The following GRAMD1B variants were observed in gnomAD, a reference collection of about 807,000 sequenced individuals.
GRAMD1B encodes the protein GRAM domain containing 1B.
Under a neutral mutation model 99.7 loss-of-function variants are expected in GRAMD1B, and 37 were observed. That is an observed-to-expected ratio of 0.37 (90% confidence interval 0.29 to 0.49). The LOEUF (loss-of-function observed/expected upper bound fraction) is 0.49. Ranked by LOEUF, GRAMD1B falls within the 20% of genes least tolerant of loss-of-function variation. The pLI, the probability that GRAMD1B is intolerant of heterozygous loss-of-function variation, is 0.98. For synonymous variants in GRAMD1B, 427 were observed against 387.6 expected, an observed-to-expected ratio of 1.10 and a Z score of -1.19; for missense variants, 888 against 1,009.2, an observed-to-expected ratio of 0.88 and a Z score of 1.63.
chr11:123,432,062 A>G, intron 1 of GRAMD1B: 1 of 398,608 alleles, frequency 2.5e-6, no homozygotes. Context: ...GGAGCAACTG[A>G]GTCATTGATC....
At position 123,602,534 on chromosome 11, in the gene GRAMD1B, A is replaced by G. The variant is rs989586259; in HGVS notation, c.1051-892A>G. ...AATGGGATTTTTTTTTTTAAAGATA[A>G]TGATTGCTTCTGTTTTTCTTCATGC... On this transcript the variant is annotated intron_variant, in intron 8 of 19. Transcript: ENST00000635736. Among the ~76,000 whole-genome samples the G allele has an allele frequency of 3.3e-5, 5 of 151,762 alleles. No homozygotes were observed. In the East Asian group the frequency reaches 9.7e-4, roughly 29 times the overall value.
chr11:123,622,076 A>C (rs542748887), intron 19 of GRAMD1B, among the ~76,000 whole-genome samples: 9 of 150,710 alleles, frequency 6.0e-5, no homozygotes, highest in Admixed American at 5.3e-4. Flanking sequence ...GCTGGAGTGC[A>C]GTGGTGCAGT....
intron 1 of GRAMD1B, among the ~76,000 whole-genome samples, chr11:123,372,463 A>G (rs1264712022): frequency 6.6e-6 from 1 of 152,188 alleles, no homozygotes; most frequent in Non-Finnish European, 1.5e-5. Context: ...CCATCTCCTG[A>G]TACAGAATTT....
chr11:123,392,180 T>C (rs747861554), intron 1 of GRAMD1B, among the ~76,000 whole-genome samples: 21 of 151,946 alleles, frequency 1.4e-4, no homozygotes, highest in Middle Eastern at 3.2e-3. Flanking sequence ...TGTGACTGGG[T>C]CAGAATGAGT....
chr11:123,415,091 C>CTTTTTTTTTTTTTTTTTTTTTTTTTTT (rs1948184246), intron 1 of GRAMD1B, among the ~76,000 whole-genome samples: 1 of 96,558 alleles, frequency 1.0e-5, no homozygotes, highest in South Asian at 3.5e-4. Context: ...TTTTCTTTTT[C>CTTTTTTTTTTTTTTTTTTTTTTTTTTT]TTTCTTTTTT....
intron 2 of GRAMD1B, among the ~76,000 whole-genome samples, chr11:123,529,680 C>T (rs1169747671): frequency 2.6e-5 from 4 of 152,186 alleles, no homozygotes; most frequent in Non-Finnish European, 5.9e-5. Context: ...AAGAGTAACT[C>T]ACCAATCTTC....
chr11:123,558,344 G>T (rs1258921499), intron 2 of GRAMD1B, among the ~76,000 whole-genome samples: 1 of 152,068 alleles, frequency 6.6e-6, no homozygotes, highest in African/African-American at 2.4e-5. Flanking sequence ...GGACATGAAA[G>T]AAAAAATAGC....
upstream of GRAMD1B, among the ~76,000 whole-genome samples, chr11:123,426,147 G>T (rs1336215917): frequency 6.6e-6 from 1 of 152,174 alleles, no homozygotes; most frequent in African/African-American, 2.4e-5. Context: ...TAAGTGAATT[G>T]CTTCTACTTT....
intron 2 of GRAMD1B, among the ~76,000 whole-genome samples, chr11:123,513,718 G>A (rs1352114188): frequency 1.3e-5 from 2 of 150,330 alleles, no homozygotes; most frequent in East Asian, 3.9e-4. Flanking sequence ...GTGCAGTGGT[G>A]CGATCATGGC....
At chr11:123,449,714 C>CTTTTT (rs767104181) in intron 1 of GRAMD1B, among the ~76,000 whole-genome samples, 3,173 of 99,852 alleles carry the variant, frequency 0.032, 267 homozygotes, top group Middle Eastern at 0.1. Flanking sequence ...CCATGCCTGG[C>CTTTTT]TTTTTTTTTT....
intron 1 of GRAMD1B, among the ~76,000 whole-genome samples, chr11:123,402,261 C>A (rs566697206): frequency 1.3e-5 from 2 of 152,278 alleles, no homozygotes; most frequent in African/African-American, 4.8e-5. Flanking sequence ...GGTGACCTGC[C>A]CGCCTCGGCC....
At position 123,610,629 on chromosome 11, in the gene GRAMD1B, A is replaced by C. The variant is rs1182735920; in HGVS notation, c.1919+291A>C. Among the ~76,000 whole-genome samples, 6 of 152,362 alleles carry C rather than the reference A, an allele frequency of 3.9e-5. No individual in the cohort carries two copies. In the South Asian group the frequency reaches 1.2e-3, roughly 32 times the overall value. On this transcript the variant is annotated intron_variant, in intron 14 of 19. Coordinates refer to ENST00000635736, the MANE Select transcript of GRAMD1B (RefSeq NM_001387025.1). This position sits in a 1 kb window ranked among gnomAD's most constrained non-coding sequence, Gnocchi z 4.1. ...TTTACCTACATTCACTGGAGTCTTT[A>C]GAACGACTCAAAGAGGTGGATTTAT... is the stretch of plus-strand genomic sequence containing the variant.
intron 1 of GRAMD1B, among the ~76,000 whole-genome samples, chr11:123,364,220 C>G (rs375624666): frequency 6.6e-6 from 1 of 152,184 alleles, no homozygotes; most frequent in African/African-American, 2.4e-5. Flanking sequence ...TCAAAGGGAG[C>G]GATGGGTGGA....
At chr11:123,416,296 T>C (rs568915670) in intron 1 of GRAMD1B, among the ~76,000 whole-genome samples, 10 of 152,288 alleles carry the variant, frequency 6.6e-5, no homozygotes, top group African/African-American at 1.9e-4. Context: ...ATGGAGATGA[T>C]AACTGAATGG....
At chr11:123,456,946 A>G (rs1388615328) in intron 1 of GRAMD1B, among the ~76,000 whole-genome samples, 1 of 149,582 alleles carries the variant, frequency 6.7e-6, no homozygotes, top group East Asian at 2.0e-4. Context: ...AAGAAAAAGA[A>G]AAGAAAGAAA....
chr11:123,600,100 A>G (rs1246509089), intron 7 of GRAMD1B, among the ~76,000 whole-genome samples: 1 of 152,230 alleles, frequency 6.6e-6, no homozygotes, highest in Non-Finnish European at 1.5e-5. Context: ...GCAGATTAGT[A>G]GATTGTGGGT....
chr11:123,430,404 C>A lies in GRAMD1B; in HGVS notation c.-389C>A, dbSNP rs1948816467. ...AACCGCTGAGAGTTTGCTGCACCGC[C>A]CCCTGGGGCCCCTGGCTGCCGAGTC... On this transcript the variant is annotated 5_prime_UTR_variant, in exon 1 of 20. Coordinates refer to ENST00000635736, the MANE Select transcript of GRAMD1B (RefSeq NM_001387025.1). The A allele has an allele frequency of 9.0e-6, 2 of 223,010 alleles. No individual in the cohort carries two copies. Among genetic ancestry groups the A allele is most frequent in the East Asian group, 1.3e-4 (1 of 7,926 alleles). The allele number at this position is 223,010 out of a possible 1,614,324, so 13.8% of individuals were successfully genotyped here.
At chr11:123,396,519 G>T (rs926718847) in intron 1 of GRAMD1B, among the ~76,000 whole-genome samples, 1 of 151,704 alleles carries the variant, frequency 6.6e-6, no homozygotes, top group African/African-American at 2.4e-5. Context: ...CAGGGGATCC[G>T]CCCGCCTCAG....
intron 2 of GRAMD1B, among the ~76,000 whole-genome samples, chr11:123,528,954 G>T (rs1347517123): frequency 6.6e-6 from 1 of 152,222 alleles, no homozygotes; most frequent in Non-Finnish European, 1.5e-5. Flanking sequence ...CCACGCAACA[G>T]CATGGTGTGT....
Sources: gnomAD v4.1 joint callset for allele counts (sites outside exome capture counted in the v4.1 genomes callset) on GRCh38, gnomAD v4.1.1 for gene constraint, Gnocchi (gnomAD v3.1) non-coding constraint, MANE v1.5 for transcripts, NCBI Gene and HGNC (gene_info 2026-07-23, HGNC 2026-07-21) for gene names.